GSAP: variants seen among roughly 807,000 people sequenced by gnomAD.
The protein encoded by GSAP is gamma-secretase-activating protein.
GSAP carries 118 observed loss-of-function variants against 131.7 expected under a neutral mutation model. The observed-to-expected ratio is 0.90, with a 90% CI of 0.77 to 1.04. The LOEUF (loss-of-function observed/expected upper bound fraction) is 1.04, where lower values mean the gene tolerates loss of function less well. Ranked by LOEUF, GSAP falls within the 50% of genes least tolerant of loss-of-function variation. The probability of loss-of-function intolerance (pLI) is 0.00; values close to 1 mark genes in which losing one functional copy is unlikely to be tolerated. For synonymous variants in GSAP, 381 were observed against 363.4 expected (o/e 1.05, Z -0.55); for missense variants, 1,019 against 1,013.2 (o/e 1.01, Z -0.08).
chr7:77,330,738 T>C, intron 19 of GSAP: 1 of 988,550 alleles, frequency 1.0e-6, no homozygotes, highest in Non-Finnish European at 1.2e-6. Context: ...ATGACTTAGG[T>C]GGTGTCAACA....
intron 12 of GSAP, among the ~76,000 whole-genome samples, chr7:77,373,033 G>A (rs1796369626): frequency 6.6e-6 from 1 of 152,162 alleles, no homozygotes; most frequent in Non-Finnish European, 1.5e-5. Flanking sequence ...AAGTGGGAAA[G>A]GGGGCCATTT....
chr7:77,353,095 TG>T, intron 17 of GSAP, 69 bp from the exon 18 acceptor site: 2 of 840,934 alleles, frequency 2.4e-6, no homozygotes, highest in Non-Finnish European at 4.1e-6. Flanking sequence ...AGCATTGTAA[TG>T]CAACCAAAAC....
In GSAP at chr7:77,377,504, T is replaced by A. The variant is rs1437057888; in HGVS notation, c.577-114A>T. 4.0e-6 allele frequency: 5 copies of A among 1,260,064 alleles called. No individual in the cohort carries two copies. In the East Asian group the frequency reaches 1.3e-4, roughly 34 times the overall value. 78.1% of individuals were successfully genotyped at this position (1,260,064 alleles called of 1,614,324 possible). On this transcript the variant is annotated intron_variant, in intron 8 of 30. Coordinates refer to ENST00000257626, the MANE Select transcript of GSAP (RefSeq NM_017439.4). ...TATCTTTATGATACATGTAAATATT[T>A]CCACAGTTCACTGTTAGAAGCTCCC...
At chr7:77,371,581 C>T (rs541414274) in intron 12 of GSAP, among the ~76,000 whole-genome samples, 6 of 152,130 alleles carry the variant, frequency 3.9e-5, no homozygotes, top group Non-Finnish European at 4.4e-5. Context: ...ACTACAGGCA[C>T]GTGCCACCAC....
chr7:77,397,668 T>C (rs1031734215), intron 3 of GSAP, among the ~76,000 whole-genome samples: 1 of 152,188 alleles, frequency 6.6e-6, no homozygotes, highest in African/African-American at 2.4e-5. Flanking sequence ...GCATAGACAT[T>C]GGAGCCCAGC....
At chr7:77,402,183 GA>G (rs1404820148) in intron 3 of GSAP, among the ~76,000 whole-genome samples, 2 of 151,672 alleles carry the variant, frequency 1.3e-5, no homozygotes, top group Non-Finnish European at 2.9e-5. Context: ...CCAAGAGAAA[GA>G]TTTTTTTTTT....
chr7:77,382,870 C>T (rs1162543093), intron 6 of GSAP, among the ~76,000 whole-genome samples: 1 of 152,142 alleles, frequency 6.6e-6, no homozygotes, highest in East Asian at 1.9e-4. Context: ...TCAAATACAA[C>T]ACTATCTTCA....
intron 26 of GSAP, 51 bp downstream of exon 26, chr7:77,320,674 T>G: frequency 1.9e-6 from 2 of 1,048,008 alleles, no homozygotes; most frequent in Non-Finnish European, 3.0e-6. Context: ...AGGGCCCATA[T>G]GAAGAAGAAA....
chr7:77,353,763 T>C, intron 16 of GSAP, 122 bp from the exon 17 acceptor site: 1 of 631,214 alleles, frequency 1.6e-6, no homozygotes, highest in Non-Finnish European at 2.8e-6. Context: ...TGCCTAAGAA[T>C]ATACTCACTT....
intron 19 of GSAP, among the ~76,000 whole-genome samples, chr7:77,341,672 G>GA (rs1358872839): frequency 2.6e-5 from 4 of 152,162 alleles, no homozygotes; most frequent in Non-Finnish European, 5.9e-5. Context: ...AGAAGGGCCA[G>GA]AAGGCCGTCT....
rs776103873 is a variant in GSAP at position 77,360,853 on chromosome 7, A to ATG, written c.996_997dup (p.Met333ThrfsTer2). 1 of 1,601,186 alleles carries ATG rather than the reference A, an allele frequency of 6.2e-7. No homozygotes were observed. ...GTTGAGAAAAGTAATGCCCTTTGTC[A>ATG]TGTGTGACCCAACATTCTCAAGAGA... On this transcript the variant is annotated frameshift_variant, in exon 14 of 31. Coordinates refer to ENST00000257626, the MANE Select transcript of GSAP (RefSeq NM_017439.4). LOFTEE classifies it high-confidence loss of function.
At chr7:77,402,408 A>AT (rs1357095505) in intron 3 of GSAP, among the ~76,000 whole-genome samples, 5 of 133,190 alleles carry the variant, frequency 3.8e-5, no homozygotes, top group African/African-American at 1.4e-4. Flanking sequence ...AAAAGAAAAA[A>AT]AAAATATATA....
Position 77,390,946 on chromosome 7 carries a change from TAAAAAAAAAAAAAAAAAAA to T in GSAP, c.368-3517_368-3499del, listed in dbSNP as rs71085453. Reference sequence around the variant, plus strand: ...CCTGGTGACAGAGCGAGACTCCGTCTAAAAAAAAAAAAAAAAAAAAAAAAAAAAAAAAAAAAATTAGCCG... The same window carrying T: ...CCTGGTGACAGAGCGAGACTCCGTCTAAAAAAAAAAAAAAAAAATTAGCCG... On this transcript the variant is annotated intron_variant, in intron 5 of 30. Coordinates refer to ENST00000257626, the MANE Select transcript of GSAP (RefSeq NM_017439.4). 7.4e-4 allele frequency among the ~76,000 whole-genome samples: 28 copies of T among 37,948 alleles called. 1 individual carries two copies. The highest frequency in any genetic ancestry group is 4.2e-3 in the East Asian group (4 of 956). 24.9% of individuals were successfully genotyped at this position (37,948 alleles called of 152,430 possible).
intron 25 of GSAP, 87 bp from the exon 26 acceptor site, chr7:77,320,906 A>T: frequency 1.3e-6 from 1 of 787,706 alleles, no homozygotes; most frequent in Non-Finnish European, 2.2e-6. Flanking sequence ...TGAGTACTAC[A>T]CAAGGGTTCA....
chr7:77,368,868 A>C (rs757698957), intron 12 of GSAP, among the ~76,000 whole-genome samples: 1 of 152,240 alleles, frequency 6.6e-6, no homozygotes, highest in Non-Finnish European at 1.5e-5. Flanking sequence ...GTGTTATTCC[A>C]TAACAGTCTT....
At chr7:77,327,965 T>C (rs868616221) in intron 22 of GSAP, among the ~76,000 whole-genome samples, 5 of 152,220 alleles carry the variant, frequency 3.3e-5, no homozygotes, top group African/African-American at 1.2e-4. Context: ...GGTACCCTCA[T>C]GTGCTAAGCA....
chr7:77,390,946 TA>T (rs71085453), intron 5 of GSAP, among the ~76,000 whole-genome samples: 129 of 37,890 alleles, frequency 3.4e-3, no homozygotes, highest in East Asian at 0.012. Context: ...AGACTCCGTC[TA>T]AAAAAAAAAA....
chr7:77,329,297 C>T, intron 21 of GSAP, 36 bp downstream of exon 21: 1 of 1,174,428 alleles, frequency 8.5e-7, no homozygotes, highest in Non-Finnish European at 1.2e-6. Context: ...AAATGTCAAC[C>T]ATCTTACAGA....
At chr7:77,318,529 C>T (rs1017682047) in intron 26 of GSAP, among the ~76,000 whole-genome samples, 3 of 152,096 alleles carry the variant, frequency 2.0e-5, no homozygotes, top group Non-Finnish European at 4.4e-5. Flanking sequence ...GTTTAACACT[C>T]ATTAGAACTT....
Sources: gnomAD v4.1 joint callset for allele counts (sites outside exome capture counted in the v4.1 genomes callset) on GRCh38, gnomAD v4.1.1 for gene constraint, MANE v1.5 for transcripts, NCBI Gene and HGNC (gene_info 2026-07-23, HGNC 2026-07-21) for gene names.